Variants in POLE4 observed in about 807,000 individuals in gnomAD.
The protein encoded by POLE4 is DNA polymerase epsilon subunit 4.
A neutral mutation model predicts 15.6 loss-of-function variants in POLE4; 15 were observed. The ratio of observed to expected loss-of-function variants is 0.96; its 90% CI spans 0.64 to 1.48. POLE4 has a LOEUF of 1.48. POLE4 is among the 40% of genes most tolerant of loss of function. The pLI is 0.00. For missense variants in POLE4, 205 were observed against 151.9 expected (o/e 1.35, Z -1.84); for synonymous variants, 83 against 63.2 (o/e 1.31, Z -1.49).
intron 3 of POLE4, among the ~76,000 whole-genome samples, chr2:74,967,108 A>G (rs185001166): frequency 1.3e-5 from 2 of 152,248 alleles, no homozygotes; most frequent in Admixed American, 6.5e-5. Flanking sequence ...TCTATAGATT[A>G]ATGTCTTTCA....
chr2:74,964,803 T>C (rs1046903241), intron 3 of POLE4, among the ~76,000 whole-genome samples: 1 of 152,136 alleles, frequency 6.6e-6, no homozygotes, highest in Non-Finnish European at 1.5e-5. Flanking sequence ...AATAATAATT[T>C]TGTGAAGTTC....
chr2:74,963,742 C>T (rs113552224), intron 3 of POLE4, among the ~76,000 whole-genome samples: 2,820 of 152,182 alleles, frequency 0.019, 85 homozygotes, highest in African/African-American at 0.064. Flanking sequence ...TGCCTGCCTC[C>T]GCCTTCCAAG....
intron 3 of POLE4, among the ~76,000 whole-genome samples, chr2:74,963,408 A>C (rs1207047931): frequency 1.3e-5 from 2 of 149,506 alleles, no homozygotes; most frequent in East Asian, 3.9e-4. Flanking sequence ...ATACATGCCC[A>C]TTTTTTTTTG....
At chr2:74,959,305 A>AC in intron 1 of POLE4, 36 bp from the exon 2 acceptor site, 1 of 1,409,950 alleles carries the variant, frequency 7.1e-7, no homozygotes, top group Non-Finnish European at 1.0e-6. Context: ...AGTGTGTTAG[A>AC]ACCCATTACT....
intron 3 of POLE4, among the ~76,000 whole-genome samples, chr2:74,966,569 T>C (rs902393677): frequency 6.6e-6 from 1 of 151,838 alleles, no homozygotes; most frequent in Non-Finnish European, 1.5e-5. Flanking sequence ...GCCTGGCTAG[T>C]TTTTTTTGTA....
rs1293150297 is a variant in POLE4, at chr2:74,958,858, G to T, written c.179G>T (p.Gly60Val). 6.4e-7 allele frequency: 1 copy of T among 1,561,490 alleles called. No individual in the cohort carries two copies. Among genetic ancestry groups the T allele is most frequent in the Non-Finnish European group, 8.7e-7 (1 of 1,152,884 alleles). The stretch of plus-strand genomic sequence containing the variant: ...GCAGATCCCGACGTGACGCTAGCGG[G>T]ACAGGAAGCCATCTTCATTCTGGCA... Reference protein sequence around the residue: ...VKADPDVTLAGQEAIFILARA... With the variant: ...VKADPDVTLAVQEAIFILARA... The change falls in exon 1 of 4, where the codon GGA (glycine) becomes GTA (valine). Residue 60 changes from glycine (G) to valine (V), a missense_variant. Gly to Val is a moderately radical substitution (Grantham distance 109). Coordinates refer to ENST00000483063, the MANE Select transcript of POLE4 (RefSeq NM_019896.4).
At chr2:74,959,002 T>C in intron 1 of POLE4, 110 bp downstream of exon 1, 1 of 1,002,254 alleles carries the variant, frequency 1.0e-6, no homozygotes, top group Non-Finnish European at 1.5e-6. Context: ...GGTTTTGAGA[T>C]GTGGGCGTGG....
chr2:74,960,272 A>G, intron 3 of POLE4, 126 bp downstream of exon 3: 1 of 819,770 alleles, frequency 1.2e-6, no homozygotes, highest in Non-Finnish European at 2.1e-6. Context: ...ACTTGCTATT[A>G]GGATAGAAAA....
At chr2:74,962,503 C>T (rs545716587) in intron 3 of POLE4, among the ~76,000 whole-genome samples, 1 of 152,290 alleles carries the variant, frequency 6.6e-6, no homozygotes, top group South Asian at 2.1e-4. Context: ...CTTAATTCCT[C>T]ATTCAGGTCC....
chr2:74,962,734 G>A (rs770405202), intron 3 of POLE4, among the ~76,000 whole-genome samples: 1 of 152,122 alleles, frequency 6.6e-6, no homozygotes, highest in Non-Finnish European at 1.5e-5. Context: ...AGAGTCCCAC[G>A]TATATTCATT....
At chr2:74,958,958 C>G (rs969630509) in intron 1 of POLE4, 66 bp downstream of exon 1, 1 of 1,433,288 alleles carries the variant, frequency 7.0e-7, no homozygotes, top group Admixed American at 2.2e-5. Flanking sequence ...GCCTCGGGGC[C>G]TCCCGCGGGC....
At chr2:74,959,506 CTCTGA>C in intron 2 of POLE4, 81 bp downstream of exon 2, 1 of 882,550 alleles carries the variant, frequency 1.1e-6, no homozygotes, top group Non-Finnish European at 1.8e-6. Context: ...GAAGACGTCA[CTCTGA>C]TCTGAGAGGT....
intron 2 of POLE4, 128 bp from the exon 3 acceptor site, chr2:74,959,977 A>G: frequency 1.4e-6 from 1 of 720,056 alleles, no homozygotes; most frequent in South Asian, 1.7e-5. Flanking sequence ...TCAAGGCAGC[A>G]AGGGACGCAT....
chr2:74,959,281 G>A, intron 1 of POLE4, 60 bp from the exon 2 acceptor site: 10 of 1,092,296 alleles, frequency 9.2e-6, no homozygotes, highest in Non-Finnish European at 1.4e-5. Context: ...ACAAACCGGA[G>A]CCCTCACCTC....
chr2:74,966,636 C>T (rs542881732), intron 3 of POLE4, among the ~76,000 whole-genome samples: 73 of 152,198 alleles, frequency 4.8e-4, no homozygotes, highest in Non-Finnish European at 9.8e-4. Flanking sequence ...AACTCCTGAC[C>T]TCAAGTCATC....
At chr2:74,966,059 T>TC (rs1558828855) in intron 3 of POLE4, among the ~76,000 whole-genome samples, 1 of 151,728 alleles carries the variant, frequency 6.6e-6, no homozygotes, top group African/African-American at 2.4e-5. Context: ...GTTTTTTTTT[T>TC]CTCTCAATTT....
At chr2:74,967,140 C>T (rs1004866846) in intron 3 of POLE4, among the ~76,000 whole-genome samples, 2 of 152,092 alleles carry the variant, frequency 1.3e-5, no homozygotes, top group Admixed American at 6.6e-5. Context: ...AAATTCTCAG[C>T]GAGTGTCTCT....
intron 3 of POLE4, among the ~76,000 whole-genome samples, chr2:74,963,646 C>T (rs1671257171): frequency 1.3e-5 from 2 of 152,092 alleles, no homozygotes; most frequent in South Asian, 4.1e-4. Context: ...TACCACCACG[C>T]CTGGCTAATT....
rs1331720138 is a variant in POLE4, at chr2:74,969,518, A to C, written c.*96A>C. ...TTTGAAGAACGGAGTCTTTGCACTTACACACACTCTTCCTGTTCTGCCTTC... is the reference window on the plus strand; with the variant it reads ...TTTGAAGAACGGAGTCTTTGCACTTCCACACACTCTTCCTGTTCTGCCTTC... On this transcript the variant is annotated 3_prime_UTR_variant, in exon 4 of 4. Transcript: ENST00000483063. The C allele has an allele frequency of 2.8e-6, 3 of 1,064,326 alleles. No individual in the cohort carries two copies. Among genetic ancestry groups the C allele is most frequent in the Non-Finnish European group, 2.9e-6 (2 of 678,086 alleles). The allele number at this position is 1,064,326 out of a possible 1,614,324, so 65.9% of individuals were successfully genotyped here. A position where few individuals can be genotyped will look rare whatever the true frequency, so the allele number is the denominator to read the frequency against.
Sources: allele counts gnomAD v4.1 joint callset (sites outside exome capture counted in the v4.1 genomes callset), GRCh38; gene constraint gnomAD v4.1.1; transcripts MANE v1.5; gene names NCBI Gene and HGNC (gene_info 2026-07-23, HGNC 2026-07-21).